Variants in NKAIN2 observed in about 807,000 individuals in gnomAD.
NKAIN2 encodes the protein sodium/potassium-transporting ATPase subunit beta-1-interacting protein 2.
A neutral mutation model predicts 32.6 loss-of-function variants in NKAIN2; 14 were observed. The observed-to-expected ratio is 0.43, with a 90% CI of 0.28 to 0.67. NKAIN2 has a LOEUF of 0.67. NKAIN2 is among the 30% of genes least tolerant of loss of function. The pLI, the probability that NKAIN2 is intolerant of heterozygous loss-of-function variation, is 0.17. For missense variants in NKAIN2, 198 were observed against 258.3 expected (o/e 0.77, Z 1.60); for synonymous variants, 80 against 87.2 (o/e 0.92, Z 0.46).
At chr6:124,627,430 C>A (rs1204563979) in intron 3 of NKAIN2, among the ~76,000 whole-genome samples, 1 of 152,054 alleles carries the variant, frequency 6.6e-6, no homozygotes. Context: ...ATACCATAAG[C>A]TTTGGAGTAA....
intron 1 of NKAIN2, among the ~76,000 whole-genome samples, chr6:124,140,542 A>T (rs1412525431): frequency 6.6e-6 from 1 of 152,166 alleles, no homozygotes; most frequent in Non-Finnish European, 1.5e-5. Flanking sequence ...CCTCCCTAGA[A>T]TGAGTTAATG....
chr6:124,264,677 A>G (rs1269506955), intron 1 of NKAIN2, among the ~76,000 whole-genome samples: 1 of 152,188 alleles, frequency 6.6e-6, no homozygotes, highest in African/African-American at 2.4e-5. Flanking sequence ...CCCAGTGGGG[A>G]AAGGATGCTG....
intron 4 of NKAIN2, among the ~76,000 whole-genome samples, chr6:124,704,680 C>T (rs534530731): frequency 3.3e-5 from 5 of 151,808 alleles, no homozygotes; most frequent in African/African-American, 1.2e-4. Context: ...ATGATACACC[C>T]TCCTGGTTGG....
At chr6:124,565,155 A>G (rs915979536) in intron 3 of NKAIN2, among the ~76,000 whole-genome samples, 1 of 152,162 alleles carries the variant, frequency 6.6e-6, no homozygotes, top group Non-Finnish European at 1.5e-5. Context: ...TAGAGGTATC[A>G]TAGCCAAGGT....
At chr6:124,349,036 C>T (rs1269613966) in intron 2 of NKAIN2, among the ~76,000 whole-genome samples, 1 of 152,064 alleles carries the variant, frequency 6.6e-6, no homozygotes, top group African/African-American at 2.4e-5. Context: ...GTACAATGTT[C>T]CTTAGGAGTG....
intron 4 of NKAIN2, among the ~76,000 whole-genome samples, chr6:124,664,289 A>G (rs1772656245): frequency 6.6e-6 from 1 of 151,034 alleles, no homozygotes; most frequent in Admixed American, 6.6e-5. Flanking sequence ...AAAAGAAAGA[A>G]AAAAAAAAGA....
intron 4 of NKAIN2, among the ~76,000 whole-genome samples, chr6:124,747,743 A>AG (rs1270318121): frequency 6.6e-6 from 1 of 151,620 alleles, no homozygotes; most frequent in Non-Finnish European, 1.5e-5. Flanking sequence ...GAAATGGAGG[A>AG]GGGGGGCCTA....
intron 1 of NKAIN2, among the ~76,000 whole-genome samples, chr6:124,147,509 A>C (rs1481193528): frequency 6.6e-6 from 1 of 152,188 alleles, no homozygotes; most frequent in African/African-American, 2.4e-5. Context: ...ATAAATGCTC[A>C]GATGAAAGGT....
intron 4 of NKAIN2, among the ~76,000 whole-genome samples, chr6:124,781,077 A>G (rs1348091994): frequency 6.6e-6 from 1 of 151,946 alleles, no homozygotes; most frequent in African/African-American, 2.4e-5. Context: ...AACTAGGTGA[A>G]CTTAATTTTA....
At chr6:124,370,837 G>A (rs145481777) in intron 3 of NKAIN2, among the ~76,000 whole-genome samples, 18 of 152,118 alleles carry the variant, frequency 1.2e-4, no homozygotes, top group African/African-American at 3.9e-4. Flanking sequence ...ATAGGCACTC[G>A]CAAAGGCTGT....
intron 3 of NKAIN2, among the ~76,000 whole-genome samples, chr6:124,379,216 A>AGGGG (rs1800144279): frequency 4.2e-4 from 1 of 2,386 alleles, no homozygotes; most frequent in African/African-American, 1.8e-3. Flanking sequence ...AGGGAGGGAA[A>AGGGG]GGAGGGAAGA....
chr6:124,006,760 G>A (rs1287788827), intron 1 of NKAIN2, among the ~76,000 whole-genome samples: 1 of 152,082 alleles, frequency 6.6e-6, no homozygotes, highest in Non-Finnish European at 1.5e-5. Context: ...CTGGGATTGG[G>A]GTCAGGGACA....
intron 3 of NKAIN2, among the ~76,000 whole-genome samples, chr6:124,374,618 A>G (rs1212319933): frequency 6.6e-6 from 1 of 152,148 alleles, no homozygotes; most frequent in East Asian, 1.9e-4. Flanking sequence ...TTTCTTACGC[A>G]ACAAAGTTAT....
intron 2 of NKAIN2, among the ~76,000 whole-genome samples, chr6:124,348,787 G>T (rs113813793): frequency 1.3e-5 from 2 of 152,180 alleles, no homozygotes; most frequent in East Asian, 1.9e-4. Context: ...GCCGAAGCAG[G>T]GCGAGGCATT....
chr6:124,660,394 TA>T (rs202027293), intron 4 of NKAIN2, among the ~76,000 whole-genome samples: 8 of 152,266 alleles, frequency 5.3e-5, no homozygotes, highest in African/African-American at 1.9e-4. Flanking sequence ...GGGAATGTGC[TA>T]AAAAAATACA....
chr6:124,466,266 C>T (rs879614743), intron 3 of NKAIN2, among the ~76,000 whole-genome samples: 2 of 152,034 alleles, frequency 1.3e-5, no homozygotes, highest in Non-Finnish European at 2.9e-5. Context: ...TGGCATGGTG[C>T]TTAGTGAGAG....
intron 1 of NKAIN2, among the ~76,000 whole-genome samples, chr6:123,831,454 C>CTTT (rs34291249): frequency 0.055 from 8,014 of 144,648 alleles, 243 homozygotes; most frequent in South Asian, 0.069. Context: ...AGTTTTAACT[C>CTTT]TTTTTTTTTT....
At chr6:124,131,551 G>A (rs1369131347) in intron 1 of NKAIN2, among the ~76,000 whole-genome samples, 1 of 152,186 alleles carries the variant, frequency 6.6e-6, no homozygotes, top group East Asian at 1.9e-4. Flanking sequence ...AAAAAACTGT[G>A]AGTTCCCAAA....
intron 3 of NKAIN2, among the ~76,000 whole-genome samples, chr6:124,403,133 A>G (rs1446866567): frequency 1.3e-5 from 2 of 152,198 alleles, no homozygotes; most frequent in Admixed American, 6.6e-5. Flanking sequence ...CTTTAAATGC[A>G]TAAATATGGC....
Sources: gnomAD v4.1 joint callset for allele counts (sites outside exome capture counted in the v4.1 genomes callset) on GRCh38, gnomAD v4.1.1 for gene constraint, MANE v1.5 for transcripts, NCBI Gene and HGNC (gene_info 2026-07-23, HGNC 2026-07-21) for gene names.